Variants in ZBTB20 observed in about 807,000 individuals in gnomAD.
ZBTB20 encodes the protein zinc finger and BTB domain-containing protein 20.
ZBTB20 carries 9 observed loss-of-function variants against 56.9 expected under a neutral mutation model. That is an observed-to-expected ratio of 0.16 (90% CI 0.10 to 0.28). The LOEUF (loss-of-function observed/expected upper bound fraction) is 0.28, where lower values mean the gene tolerates loss of function less well. Ranked by LOEUF, ZBTB20 falls within the 10% of genes least tolerant of loss-of-function variation. The pLI is 1.00. For missense variants in ZBTB20, 655 were observed against 1,003.0 expected (o/e 0.65, Z 4.69); for synonymous variants, 417 against 420.7 (o/e 0.99, Z 0.11).
chr3:114,573,609 G>T (rs1023943346), intron 6 of ZBTB20, among the ~76,000 whole-genome samples: 5 of 151,342 alleles, frequency 3.3e-5, no homozygotes, highest in African/African-American at 1.2e-4. Flanking sequence ...GAAAAGAAAA[G>T]AAAAAAATGA....
chr3:114,621,609 A>T (rs998767485), intron 6 of ZBTB20, among the ~76,000 whole-genome samples: 1 of 152,170 alleles, frequency 6.6e-6, no homozygotes, highest in Non-Finnish European at 1.5e-5. Flanking sequence ...TTATTTAGCA[A>T]TTTGATTTGT....
intron 2 of ZBTB20, among the ~76,000 whole-genome samples, chr3:115,064,001 G>A (rs2082112383): frequency 6.6e-6 from 1 of 151,778 alleles, no homozygotes; most frequent in South Asian, 2.1e-4. Context: ...TGTTAATATT[G>A]TCACTTTGCC....
intron 3 of ZBTB20, among the ~76,000 whole-genome samples, chr3:114,926,365 T>C (rs1320911665): frequency 1.3e-5 from 2 of 152,246 alleles, no homozygotes; most frequent in Non-Finnish European, 2.9e-5. Flanking sequence ...TGTTTTGTTA[T>C]GCTTTGCTTT....
chr3:114,579,496 TAATTC>T (rs1044418128), intron 6 of ZBTB20, among the ~76,000 whole-genome samples: 3 of 151,044 alleles, frequency 2.0e-5, no homozygotes, highest in Non-Finnish European at 3.0e-5. Flanking sequence ...AAAAGGGTAA[TAATTC>T]AATTCAAGAA....
At chr3:114,811,780 A>G (rs2072529899) in intron 4 of ZBTB20, among the ~76,000 whole-genome samples, 1 of 129,742 alleles carries the variant, frequency 7.7e-6, no homozygotes, top group Non-Finnish European at 1.7e-5. Context: ...AAAATCCTGA[A>G]ACATCACATA....
intron 3 of ZBTB20, among the ~76,000 whole-genome samples, chr3:114,951,693 A>C (rs1325109384): frequency 6.6e-6 from 1 of 152,126 alleles, no homozygotes; most frequent in Non-Finnish European, 1.5e-5. Flanking sequence ...TAGAATTTCA[A>C]TATGACTCAG....
At chr3:114,736,522 T>C (rs1485338514) in intron 5 of ZBTB20, among the ~76,000 whole-genome samples, 5 of 152,206 alleles carry the variant, frequency 3.3e-5, no homozygotes, top group Non-Finnish European at 7.3e-5. Context: ...GGCGTTCATT[T>C]TGGTAGTTCT....
chr3:114,890,675 A>G (rs1037017961), intron 4 of ZBTB20, among the ~76,000 whole-genome samples: 1 of 152,120 alleles, frequency 6.6e-6, no homozygotes, highest in African/African-American at 2.4e-5. Flanking sequence ...GGTGCAGCAC[A>G]CCAACATGGC....
chr3:114,586,182 TAAGC>T (rs1244934866), intron 6 of ZBTB20, among the ~76,000 whole-genome samples: 1 of 152,236 alleles, frequency 6.6e-6, no homozygotes, highest in Non-Finnish European at 1.5e-5. Flanking sequence ...AGAGAATTAC[TAAGC>T]AATTATTTGT....
chr3:114,874,863 C>T (rs922130038), intron 4 of ZBTB20, among the ~76,000 whole-genome samples: 1 of 152,094 alleles, frequency 6.6e-6, no homozygotes, highest in South Asian at 2.1e-4. Context: ...TACTCTGTTT[C>T]CTTCCCTCTA....
intron 7 of ZBTB20, among the ~76,000 whole-genome samples, chr3:114,435,006 T>A (rs1451322286): frequency 6.6e-6 from 1 of 152,130 alleles, no homozygotes; most frequent in East Asian, 1.9e-4. Context: ...TGGGACTGTG[T>A]TATCAGGGGG....
At chr3:114,916,385 TATG>T (rs1399022804) in intron 3 of ZBTB20, among the ~76,000 whole-genome samples, 1 of 152,066 alleles carries the variant, frequency 6.6e-6, no homozygotes, top group African/African-American at 2.4e-5. Context: ...TACTTCCAAA[TATG>T]ATTACAGTAT....
At chr3:114,693,036 T>C (rs953770456) in intron 6 of ZBTB20, among the ~76,000 whole-genome samples, 1 of 152,182 alleles carries the variant, frequency 6.6e-6, no homozygotes, top group Non-Finnish European at 1.5e-5. Context: ...CAGAATACCA[T>C]AGAATACTAA....
At chr3:114,660,745 A>G (rs889840154) in intron 6 of ZBTB20, among the ~76,000 whole-genome samples, 2 of 152,148 alleles carry the variant, frequency 1.3e-5, no homozygotes, top group Non-Finnish European at 2.9e-5. Flanking sequence ...TTAAAACCTG[A>G]ATCATTTAAT....
chr3:115,045,272 G>A (rs973127696), intron 2 of ZBTB20, among the ~76,000 whole-genome samples: 6 of 151,924 alleles, frequency 3.9e-5, no homozygotes, highest in South Asian at 2.1e-4. Flanking sequence ...TGTAGTATAT[G>A]TTCCTATTTA....
chr3:115,138,130 T>C (rs1351562030), intron 1 of ZBTB20, among the ~76,000 whole-genome samples: 1 of 152,218 alleles, frequency 6.6e-6, no homozygotes, highest in Non-Finnish European at 1.5e-5. Context: ...CTCACCCCTA[T>C]TTCTGCATGA....
intron 2 of ZBTB20, among the ~76,000 whole-genome samples, chr3:115,008,905 T>G (rs1048963325): frequency 6.6e-6 from 1 of 151,968 alleles, no homozygotes; most frequent in Non-Finnish European, 1.5e-5. Context: ...ACACTATTTA[T>G]GCTCCCACCA....
intron 5 of ZBTB20, among the ~76,000 whole-genome samples, chr3:114,785,573 G>T (rs1459246328): frequency 7.2e-5 from 11 of 151,966 alleles, no homozygotes; most frequent in Non-Finnish European, 1.6e-4. Flanking sequence ...GGAATTGATT[G>T]TTATTTATTA....
At chr3:114,356,831 G>C (rs1171193781) in intron 10 of ZBTB20, among the ~76,000 whole-genome samples, 1 of 152,188 alleles carries the variant, frequency 6.6e-6, no homozygotes, top group Non-Finnish European at 1.5e-5. Context: ...AGGAGGTATA[G>C]TAGTTTCTTG....
Sources: gnomAD v4.1 joint callset for allele counts (sites outside exome capture counted in the v4.1 genomes callset) on GRCh38, gnomAD v4.1.1 for gene constraint, MANE v1.5 for transcripts, NCBI Gene and HGNC (gene_info 2026-07-23, HGNC 2026-07-21) for gene names.